The following TCN2 variants were observed in gnomAD, a reference collection of about 807,000 sequenced individuals.
The protein encoded by TCN2 is transcobalamin 2.
Under a neutral mutation model 48.6 loss-of-function variants are expected in TCN2, and 34 were observed. The observed-to-expected ratio is 0.70, with a 90% CI of 0.53 to 0.93. The LOEUF is 0.93. Ranked by LOEUF, TCN2 falls within the 40% of genes least tolerant of loss-of-function variation. The pLI, the probability that TCN2 is intolerant of heterozygous loss-of-function variation, is 0.00. For synonymous variants in TCN2, 283 were observed against 212.5 expected, an observed-to-expected ratio of 1.33 and a Z score of -2.89; for missense variants, 652 against 526.1, an observed-to-expected ratio of 1.24 and a Z score of -2.34.
chr22:30,612,276 T>A (rs1300528646), intron 2 of TCN2, among the ~76,000 whole-genome samples: 1 of 148,040 alleles, frequency 6.8e-6, no homozygotes, highest in African/African-American at 2.5e-5. Flanking sequence ...TGGCTGGGTG[T>A]GGTGGCTCAC....
chr22:30,621,876 C>T (rs541942921), intron 7 of TCN2, among the ~76,000 whole-genome samples: 1 of 152,246 alleles, frequency 6.6e-6, no homozygotes, highest in Non-Finnish European at 1.5e-5. Context: ...CCCCGCTCTC[C>T]TCCCTTCTCC....
intron 3 of TCN2, among the ~76,000 whole-genome samples, chr22:30,613,820 T>TTC (rs1329150706): frequency 1.3e-5 from 2 of 152,192 alleles, no homozygotes; most frequent in East Asian, 3.9e-4. Flanking sequence ...TACCCTTACC[T>TTC]TCTGCCCAGG....
intron 4 of TCN2, 95 bp downstream of exon 4, chr22:30,614,596 T>C: frequency 1.3e-6 from 2 of 1,542,014 alleles, no homozygotes; most frequent in East Asian, 4.7e-5. Flanking sequence ...CACACTCACC[T>C]TTCCTTGGGG....
At chr22:30,625,921 T>C (rs547150308) in intron 8 of TCN2, among the ~76,000 whole-genome samples, 13 of 152,252 alleles carry the variant, frequency 8.5e-5, no homozygotes, top group African/African-American at 3.1e-4. Flanking sequence ...AGCACCTCCA[T>C]TGAAAGGAAA....
chr22:30,610,843 C>T, intron 1 of TCN2, 28 bp from the exon 2 acceptor site: 4 of 1,613,372 alleles, frequency 2.5e-6, no homozygotes, highest in East Asian at 2.2e-5. Flanking sequence ...GGCCCTGTGA[C>T]CTCATTTGTA....
chr22:30,617,376 C>T lies in TCN2; in HGVS notation c.987C>T (p.Ile329=). Residue 329 remains isoleucine (I), a synonymous_variant, in exon 7 of 9, where the codon ATC becomes ATT. Transcript: ENST00000215838. The stretch of plus-strand genomic sequence containing the variant: ...AGACCATTCCTCAGACCCAAGAGAT[C>T]ATCAGTGTCACGCTGCAGGTGCTTA... ...AAETIPQTQE[I]ISVTLQVLSL... 3 of 1,614,178 alleles carry T rather than the reference C, an allele frequency of 1.9e-6. No individual in the cohort carries two copies. The highest frequency in any genetic ancestry group is 2.5e-6 in the Non-Finnish European group (3 of 1,180,034).
At chr22:30,619,740 A>G (rs925812330) in intron 7 of TCN2, among the ~76,000 whole-genome samples, 6 of 152,196 alleles carry the variant, frequency 3.9e-5, no homozygotes, top group Non-Finnish European at 7.4e-5. Context: ...CCTCTAGGCT[A>G]GAGAATCTCA....
chr22:30,620,331 T>G (rs1305465539), intron 7 of TCN2, among the ~76,000 whole-genome samples: 8 of 152,328 alleles, frequency 5.3e-5, no homozygotes, highest in African/African-American at 1.9e-4. Context: ...TCTAGACAGC[T>G]ATAAATCCCC....
chr22:30,623,002 T>G lies in TCN2; in HGVS notation c.1141T>G (p.Leu381Val), dbSNP rs2087720823. 2 of 1,613,958 alleles carry G rather than the reference T, an allele frequency of 1.2e-6. No individual in the cohort carries two copies. Among genetic ancestry groups the G allele is most frequent in the African/African-American group, 2.7e-5 (2 of 74,886 alleles). The change falls in exon 8 of 9, where the codon TTA becomes GTA. Residue 381 changes from leucine to valine, a missense_variant. Physicochemically the swap from Leu to Val is conservative, Grantham distance 32. Coordinates refer to ENST00000215838, the MANE Select transcript of TCN2 (RefSeq NM_000355.4). ...ETQASLSGPYLTSVMGKAAGE... is the reference protein window; with the variant it reads ...ETQASLSGPYVTSVMGKAAGE... Reference sequence around the variant, plus strand: ...ACAGGCCTCCTTGTCAGGCCCCTACTTAACCTCCGTGATGGGGAAAGCGGC... The same window carrying G: ...ACAGGCCTCCTTGTCAGGCCCCTACGTAACCTCCGTGATGGGGAAAGCGGC...
rs913175723 is a variant in TCN2 at position 30,624,876 on chromosome 22, C to T, written c.1223-1584C>T. Among the ~76,000 whole-genome samples, 22 of 152,256 alleles carry T rather than the reference C, an allele frequency of 1.4e-4. 4 individuals carry two copies. Among genetic ancestry groups the T allele is most frequent in the Admixed American group, 1.3e-3 (20 of 15,292 alleles). On this transcript the variant is annotated intron_variant, in intron 8 of 8. Transcript: ENST00000215838. Reference sequence around the variant, plus strand: ...ATTTGAGTTCTCTTTTGTCTTAGTCCATTGAAGCTGCTATTACAAAATACC... The same window carrying T: ...ATTTGAGTTCTCTTTTGTCTTAGTCTATTGAAGCTGCTATTACAAAATACC...
chr22:30,612,791 T>G, intron 2 of TCN2, 82 bp from the exon 3 acceptor site: 2 of 1,568,010 alleles, frequency 1.3e-6, no homozygotes, highest in Non-Finnish European at 1.7e-6. Context: ...TTTCCCGCTT[T>G]GTGATGCGGG....
At chr22:30,610,244 G>A (rs981362301) in intron 1 of TCN2, 1 of 471,188 alleles carries the variant, frequency 2.1e-6, no homozygotes, top group Middle Eastern at 3.2e-4. Context: ...GAGATGGCAG[G>A]AAAGGCGTTA....
intron 7 of TCN2, among the ~76,000 whole-genome samples, chr22:30,620,807 A>G (rs1205670738): frequency 2.0e-5 from 3 of 152,188 alleles, no homozygotes; most frequent in African/African-American, 4.8e-5. Flanking sequence ...CATGAAGACT[A>G]TGTTTGAGGC....
chr22:30,621,521 T>C (rs529010174), intron 7 of TCN2, among the ~76,000 whole-genome samples: 159 of 151,540 alleles, frequency 1.0e-3, no homozygotes, highest in Non-Finnish European at 1.4e-3. Flanking sequence ...CTTGCTCTGT[T>C]ACCCAGGCTG....
intron 8 of TCN2, among the ~76,000 whole-genome samples, chr22:30,623,831 C>CACAT (rs2087744897): frequency 9.1e-5 from 3 of 33,030 alleles, no homozygotes; most frequent in South Asian, 5.0e-4. Flanking sequence ...CATACACACA[C>CACAT]ATATACACAC....
intron 2 of TCN2, among the ~76,000 whole-genome samples, chr22:30,611,282 T>C (rs1397511597): frequency 1.3e-5 from 2 of 152,352 alleles, no homozygotes; most frequent in Admixed American, 1.3e-4. Context: ...CTGTCCATCA[T>C]GTGTCTGAGG....
At position 30,611,026 on chromosome 22, in the gene TCN2, C is replaced by T. The variant is rs557393479; in HGVS notation, c.220C>T (p.His74Tyr). The T allele has an allele frequency of 3.7e-6, 6 of 1,614,034 alleles. No homozygotes were observed. In the African/African-American group the frequency reaches 5.3e-5, roughly 14 times the overall value. ...TGGGACCAAGGAAGACCTCTACCTG[C>T]ACAGCCTCAAGCTTGGTTACCAGCA... ...QAGTKEDLYLHSLKLGYQQCL... is the reference protein window; with the variant it reads ...QAGTKEDLYLYSLKLGYQQCL... Residue 74 changes from histidine to tyrosine, a missense_variant, in exon 2 of 9, where the codon CAC (histidine) becomes TAC (tyrosine). Transcript: ENST00000215838.
At position 30,623,883 on chromosome 22, in the gene TCN2, T is replaced by C. The variant is rs1473529016; in HGVS notation, c.1222+800T>C. Among the ~76,000 whole-genome samples the C allele has an allele frequency of 1.6e-4, 13 of 83,060 alleles. 1 individual carries two copies. The highest frequency in any genetic ancestry group is 4.0e-4 in the Admixed American group (3 of 7,520). 54.5% of individuals were successfully genotyped at this position (83,060 alleles called of 152,430 possible). A position where few individuals can be genotyped will look rare whatever the true frequency, so the allele number is the denominator to read the frequency against. Reference sequence around the variant, plus strand: ...ATACACACATATATACACACATATATACACACATATATATGTATACATATA... The same window carrying C: ...ATACACACATATATACACACATATACACACACATATATATGTATACATATA... On this transcript the variant is annotated intron_variant, in intron 8 of 8. Coordinates refer to ENST00000215838, the MANE Select transcript of TCN2 (RefSeq NM_000355.4).
At chr22:30,621,074 C>A (rs941951466) in intron 7 of TCN2, among the ~76,000 whole-genome samples, 1 of 152,118 alleles carries the variant, frequency 6.6e-6, no homozygotes, top group African/African-American at 2.4e-5. Flanking sequence ...CTCACTGCAA[C>A]CTCCACCTCC....
Sources: gnomAD v4.1 joint callset for allele counts (sites outside exome capture counted in the v4.1 genomes callset) on GRCh38, gnomAD v4.1.1 for gene constraint, MANE v1.5 for transcripts, NCBI Gene and HGNC (gene_info 2026-07-23, HGNC 2026-07-21) for gene names.